BIN2: variants seen among roughly 807,000 people sequenced by gnomAD.
The protein encoded by BIN2 is breast cancer associated protein BRAP1.
In BIN2, 43 loss-of-function variants were observed where a neutral mutation model predicts 67.9. The ratio of observed to expected loss-of-function variants is 0.63; its 90% CI spans 0.50 to 0.82. BIN2 has a LOEUF of 0.82. Among genes scored for constraint, BIN2 ranks in the 40% least tolerant of loss-of-function variants. BIN2 has a pLI of 0.00. For synonymous variants in BIN2, 244 were observed against 246.8 expected (o/e 0.99, Z 0.11); for missense variants, 581 against 671.6 (o/e 0.87, Z 1.49).
At chr12:51,303,558 A>G (rs1945789322) in intron 2 of BIN2, among the ~76,000 whole-genome samples, 1 of 151,926 alleles carries the variant, frequency 6.6e-6, no homozygotes, top group African/African-American at 2.4e-5. Context: ...CTCCTCCCCA[A>G]TATCCTTCTC....
intron 1 of BIN2, chr12:51,323,069 G>A (rs368870570): frequency 1.1e-4 from 16 of 152,100 alleles, no homozygotes; most frequent in African/African-American, 3.9e-4. Context: ...AAACTTCTCC[G>A]TTGTAGAAGG....
chr12:51,313,872 G>T lies in BIN2; in HGVS notation c.113C>A (p.Thr38Asn). ...VLQKLGKAVETKDERFEQSAS... is the reference protein window; with the variant it reads ...VLQKLGKAVENKDERFEQSAS... The stretch of plus-strand genomic sequence containing the variant: ...GCTTTGTTCAAATCGTTCATCTTTG[G>T]TTTCTACAGCTTTCCCCAATTTCTG... Residue 38 changes from threonine (T) to asparagine (N), a missense_variant, in exon 2 of 13, where the codon ACC becomes AAC. Coordinates refer to ENST00000615107, the MANE Select transcript of BIN2 (RefSeq NM_016293.4). 6.2e-7 allele frequency: 1 copy of T among 1,613,868 alleles called. No homozygotes were observed. Among genetic ancestry groups the T allele is most frequent in the South Asian group, 1.1e-5 (1 of 91,070 alleles).
At position 51,292,176 on chromosome 12, in the gene BIN2, A is replaced by T. The variant is rs376415172; in HGVS notation, c.930T>A (p.Ser310=). The T allele has an allele frequency of 2.5e-6, 4 of 1,613,552 alleles. No homozygotes were observed. Among genetic ancestry groups the T allele is most frequent in the Non-Finnish European group, 3.4e-6 (4 of 1,179,998 alleles). The change falls in exon 10 of 13, where the codon TCT becomes TCA. Residue 310 remains serine (S), a synonymous_variant. Transcript: ENST00000615107. ...CCTCTTCTAAGAGCTCCTTGATCTC[A>T]GAATTGTCTTCCCCTTGGGCTGCAT... is the stretch of plus-strand genomic sequence containing the variant. The part of the protein sequence containing the change: ...APDAAQGEDN[S]EIKELLEEEE...
At chr12:51,307,208 G>A (rs1945888233) in intron 2 of BIN2, among the ~76,000 whole-genome samples, 1 of 150,514 alleles carries the variant, frequency 6.6e-6, no homozygotes, top group Non-Finnish European at 1.5e-5. Flanking sequence ...GCTTGAACCC[G>A]GGAGGTGGAG....
At chr12:51,318,943 C>G (rs1159159679) in intron 1 of BIN2, among the ~76,000 whole-genome samples, 3 of 152,014 alleles carry the variant, frequency 2.0e-5, no homozygotes, top group African/African-American at 7.2e-5. Flanking sequence ...TGTTTTTGTC[C>G]GTCTCTAACT....
intron 8 of BIN2, 90 bp from the exon 9 acceptor site, chr12:51,295,968 A>C: frequency 1.0e-6 from 1 of 984,202 alleles, no homozygotes; most frequent in Non-Finnish European, 1.6e-6. Flanking sequence ...ACAGCTTCCC[A>C]AAATAAAACC....
chr12:51,293,373 G>A (rs1387224973), intron 9 of BIN2, among the ~76,000 whole-genome samples: 9 of 152,006 alleles, frequency 5.9e-5, no homozygotes, highest in Admixed American at 6.6e-5. Context: ...GCAGTGGCGC[G>A]ATCTCGGCTC....
At position 51,281,546 on chromosome 12, in the gene BIN2, T is replaced by C; in HGVS notation, c.1669-18A>G. The C allele has an allele frequency of 2.5e-6, 4 of 1,613,978 alleles. No homozygotes were observed. The highest frequency in any genetic ancestry group is 3.4e-6 in the Non-Finnish European group (4 of 1,179,882). ...GTGGATACCTGGAAAGTAAACATGA[T>C]TGTGTTAGGTGTTGACCTGCCTTCC... On this transcript the variant is annotated intron_variant, in intron 12 of 12. Transcript: ENST00000615107.
chr12:51,285,854 C>T (rs545377027), intron 11 of BIN2, among the ~76,000 whole-genome samples: 1 of 152,212 alleles, frequency 6.6e-6, no homozygotes, highest in Non-Finnish European at 1.5e-5. Flanking sequence ...TCAAGTGATC[C>T]ACTCCCCTCA....
At chr12:51,307,705 C>T (rs1298390504) in intron 2 of BIN2, among the ~76,000 whole-genome samples, 3 of 148,088 alleles carry the variant, frequency 2.0e-5, no homozygotes, top group African/African-American at 2.5e-5. Context: ...AGAGAAACTC[C>T]GTCTCAAAAA....
At chr12:51,286,793 G>C (rs767757090) in intron 11 of BIN2, among the ~76,000 whole-genome samples, 1 of 152,118 alleles carries the variant, frequency 6.6e-6, no homozygotes, top group Non-Finnish European at 1.5e-5. Flanking sequence ...CCTCAGACTA[G>C]AAACTGACCA....
chr12:51,297,610 T>A (rs1333714369), intron 7 of BIN2, among the ~76,000 whole-genome samples: 1 of 152,124 alleles, frequency 6.6e-6, no homozygotes, highest in African/African-American at 2.4e-5. Context: ...ACACTCAGGA[T>A]GTTCTGGGAT....
chr12:51,310,808 T>G (rs1224916608), intron 2 of BIN2, among the ~76,000 whole-genome samples: 3 of 152,196 alleles, frequency 2.0e-5, no homozygotes. Context: ...TCACCCAGAC[T>G]GGAGTGCAGT....
In BIN2 at chr12:51,320,864, G is replaced by A. The variant is rs548143507; in HGVS notation, c.81+3158C>T. Among the ~76,000 whole-genome samples the A allele has an allele frequency of 1.9e-4, 28 of 150,748 alleles. No individual in the cohort carries two copies. The South Asian group carries it at 5.8e-3, about 31-fold the overall frequency. On this transcript the variant is annotated intron_variant, in intron 1 of 12. Coordinates refer to ENST00000615107, the MANE Select transcript of BIN2 (RefSeq NM_016293.4). ...CTTCTCAGGGGGATCTGAGAGGTTTGCCACAGAGAAATCACAAACAGATGG... is the reference window on the plus strand; with the variant it reads ...CTTCTCAGGGGGATCTGAGAGGTTTACCACAGAGAAATCACAAACAGATGG...
intron 4 of BIN2, 44 bp from the exon 5 acceptor site, chr12:51,302,159 C>G (rs779161940): frequency 7.1e-7 from 1 of 1,412,496 alleles, no homozygotes; most frequent in Admixed American, 1.7e-5. Context: ...CACTTCCCAA[C>G]AACAACTGCC....
chr12:51,295,811 A>C lies in BIN2; in HGVS notation c.746T>G (p.Val249Gly). The C allele has an allele frequency of 1.9e-6, 3 of 1,613,164 alleles. No individual in the cohort carries two copies. Among genetic ancestry groups the C allele is most frequent in the Non-Finnish European group, 2.5e-6 (3 of 1,179,696 alleles). The change falls in exon 9 of 13, where the codon GTG becomes GGG. Residue 249 changes from valine (V) to glycine (G), a missense_variant. Transcript: ENST00000615107. Reference protein sequence around the residue: ...EKQHSNKVFVVKGLSSSSRRS... With the variant: ...EKQHSNKVFVGKGLSSSSRRS... ...TGCTGCTCACCTTGACAGTCCCTTC[A>C]CCACAAAGACTTTATTGGAATGTTG...
At chr12:51,305,455 C>G (rs918549831) in intron 2 of BIN2, among the ~76,000 whole-genome samples, 5 of 151,770 alleles carry the variant, frequency 3.3e-5, no homozygotes, top group Non-Finnish European at 5.9e-5. Context: ...GAAACCCTGT[C>G]CCTACTAAAA....
At chr12:51,297,295 A>T (rs770931032) in intron 7 of BIN2, 131 bp from the exon 8 acceptor site, 1 of 797,432 alleles carries the variant, frequency 1.3e-6, no homozygotes, top group Non-Finnish European at 2.0e-6. Flanking sequence ...CCCGCTGGGC[A>T]CAGTGGCTCA....
At chr12:51,309,993 G>A (rs991550313) in intron 2 of BIN2, among the ~76,000 whole-genome samples, 4 of 152,186 alleles carry the variant, frequency 2.6e-5, no homozygotes, top group Non-Finnish European at 5.9e-5. Context: ...GCCCAGAGAG[G>A]CCTCCTAGTG....
Sources: allele counts gnomAD v4.1 joint callset (sites outside exome capture counted in the v4.1 genomes callset), GRCh38; gene constraint gnomAD v4.1.1; transcripts MANE v1.5; gene names NCBI Gene and HGNC (gene_info 2026-07-23, HGNC 2026-07-21).